Variants in OLFM3 observed in about 807,000 individuals in gnomAD.
The protein encoded by OLFM3 is olfactomedin 3.
Under a neutral mutation model 48.6 loss-of-function variants are expected in OLFM3, and 20 were observed. That is an observed-to-expected ratio of 0.41 (90% CI 0.29 to 0.60). The LOEUF (loss-of-function observed/expected upper bound fraction) is 0.60, where lower values mean the gene tolerates loss of function less well. Ranked by LOEUF, OLFM3 falls within the 20% of genes least tolerant of loss-of-function variation. The pLI, the probability that OLFM3 is intolerant of heterozygous loss-of-function variation, is 0.28. For synonymous variants in OLFM3, 222 were observed against 198.1 expected (o/e 1.12, Z -1.01); for missense variants, 437 against 544.3 (o/e 0.80, Z 1.96).
Position 101,804,419 on chromosome 1 carries a change from G to T in OLFM3, c.1196C>A (p.Ser399Tyr). The T allele has an allele frequency of 6.2e-7, 1 of 1,612,354 alleles. No homozygotes were observed. Among genetic ancestry groups the T allele is most frequent in the South Asian group, 1.1e-5 (1 of 91,020 alleles). ...ATATGTGGAGGTTTTGGTGGAATAG[G>T]AATAATACACCTTGGCTCCAGTTAA... ...SHLTGAKVYY[S>Y]YSTKTSTYEY... The change falls in exon 6 of 6, where the codon TCC (serine) becomes TAC (tyrosine). Residue 399 changes from serine to tyrosine, a missense_variant. Physicochemically the swap from Ser to Tyr is moderately radical, Grantham distance 144. This residue lies in a region of OLFM3 where 108 missense variants were observed against 135.8 expected (regional missense o/e 0.80). Transcript: ENST00000370103. This position sits in a 1 kb window ranked among gnomAD's most constrained non-coding sequence, Gnocchi z 4.5.
At chr1:101,909,905 T>C (rs1165167681) in intron 1 of OLFM3, 1 of 937,792 alleles carries the variant, frequency 1.1e-6, no homozygotes, top group Non-Finnish European at 1.3e-6. Context: ...TAAAACGCTA[T>C]CTTTCAAGGC....
chr1:101,871,985 G>T (rs1657100997), intron 1 of OLFM3, among the ~76,000 whole-genome samples: 1 of 152,030 alleles, frequency 6.6e-6, no homozygotes, highest in Non-Finnish European at 1.5e-5. Flanking sequence ...TACTCACTTT[G>T]AGTTAAAGAT....
chr1:101,919,069 T>A (rs1659012875), intron 1 of OLFM3, among the ~76,000 whole-genome samples: 4 of 152,168 alleles, frequency 2.6e-5, no homozygotes, highest in Admixed American at 2.6e-4. Flanking sequence ...AACTGTACTT[T>A]AATTTTATTT....
intron 1 of OLFM3, among the ~76,000 whole-genome samples, chr1:101,847,691 A>C (rs1167653303): frequency 3.3e-5 from 5 of 152,214 alleles, no homozygotes; most frequent in African/African-American, 1.2e-4. Context: ...CTGTTACAGA[A>C]ATTTTATATG....
intron 1 of OLFM3, among the ~76,000 whole-genome samples, chr1:101,863,827 T>G (rs994658752): frequency 1.3e-5 from 2 of 152,194 alleles, no homozygotes; most frequent in African/African-American, 4.8e-5. Context: ...TGATAATATA[T>G]ATCTCAGTGA....
chr1:101,961,881 A>G (rs1384747765), intron 1 of OLFM3, among the ~76,000 whole-genome samples: 1 of 152,162 alleles, frequency 6.6e-6, no homozygotes, highest in Non-Finnish European at 1.5e-5. Flanking sequence ...AAGGGTACAG[A>G]GAGTTCTGAG....
At chr1:101,809,041 A>G (rs1219925471) in intron 4 of OLFM3, among the ~76,000 whole-genome samples, 1 of 151,660 alleles carries the variant, frequency 6.6e-6, no homozygotes, top group African/African-American at 2.4e-5. Flanking sequence ...AAATAAAGCA[A>G]AAGAGATAAA....
At chr1:101,817,149 T>C (rs961398653) in intron 4 of OLFM3, among the ~76,000 whole-genome samples, 1 of 152,234 alleles carries the variant, frequency 6.6e-6, no homozygotes, top group Admixed American at 6.5e-5. Context: ...TTTGTTCAAA[T>C]AAATCATTAT....
intron 1 of OLFM3, among the ~76,000 whole-genome samples, chr1:101,992,873 C>A (rs1661454982): frequency 6.6e-6 from 1 of 152,006 alleles, no homozygotes; most frequent in Non-Finnish European, 1.5e-5. Flanking sequence ...GATCTAATTG[C>A]CTGGGTTGCC....
rs568406993 is a variant in OLFM3, at chr1:101,994,927, A to C, written c.69+1821T>G. 9.9e-5 allele frequency among the ~76,000 whole-genome samples: 15 copies of C among 152,182 alleles called. No homozygotes were observed. The South Asian group carries it at 2.1e-3, about 21-fold the overall frequency. On this transcript the variant is annotated intron_variant, in intron 1 of 5. Coordinates refer to ENST00000370103, the MANE Select transcript of OLFM3 (RefSeq NM_058170.4). ...AAAGTAAAAAGTTTTGTAGCATTGAATACACACAAATAAACTCACCAAAAC... is the reference window on the plus strand; with the variant it reads ...AAAGTAAAAAGTTTTGTAGCATTGACTACACACAAATAAACTCACCAAAAC...
At chr1:101,923,397 A>G (rs1360957404) in intron 1 of OLFM3, among the ~76,000 whole-genome samples, 1 of 152,164 alleles carries the variant, frequency 6.6e-6, no homozygotes, top group African/African-American at 2.4e-5. Context: ...TTTTTAACTT[A>G]CATTTTTGCA....
At chr1:101,966,518 C>T (rs6577294) in intron 1 of OLFM3, among the ~76,000 whole-genome samples, 2,649 of 152,022 alleles carry the variant, frequency 0.017, 75 homozygotes, top group African/African-American at 0.061. Flanking sequence ...GTTCTTTGTT[C>T]GAATTTGCCA....
At chr1:101,948,007 C>T (rs1373341734) in intron 1 of OLFM3, among the ~76,000 whole-genome samples, 1 of 152,000 alleles carries the variant, frequency 6.6e-6, no homozygotes, top group African/African-American at 2.4e-5. Context: ...ATCTTAGAGG[C>T]CTGGAAATTA....
intron 1 of OLFM3, among the ~76,000 whole-genome samples, chr1:101,944,914 G>T (rs1659909265): frequency 1.3e-5 from 2 of 151,648 alleles, no homozygotes; most frequent in African/African-American, 2.4e-5. Flanking sequence ...ATGTGCCATT[G>T]TGAGGAAATT....
chr1:101,981,236 T>A (rs918961414), intron 1 of OLFM3, among the ~76,000 whole-genome samples: 1 of 151,868 alleles, frequency 6.6e-6, no homozygotes, highest in Non-Finnish European at 1.5e-5. Flanking sequence ...ACCGAGAAAA[T>A]GAAAGCAACT....
chr1:101,991,008 AAAAAAAAAATAT>A (rs1448124828), intron 1 of OLFM3, among the ~76,000 whole-genome samples: 10 of 98,242 alleles, frequency 1.0e-4, no homozygotes, highest in Admixed American at 2.1e-4. Context: ...AAAAAAAAAA[AAAAAAAAAATAT>A]ATATATATAT....
intron 1 of OLFM3, among the ~76,000 whole-genome samples, chr1:101,891,354 C>T (rs947898050): frequency 2.6e-5 from 4 of 151,714 alleles, no homozygotes; most frequent in Admixed American, 6.6e-5. Context: ...GAAATAATAG[C>T]GTACTTTGTC....
chr1:101,883,905 G>A (rs1657636556), intron 1 of OLFM3, among the ~76,000 whole-genome samples: 1 of 151,360 alleles, frequency 6.6e-6, no homozygotes, highest in South Asian at 2.1e-4. Context: ...GTTCCATCTG[G>A]CCTTACAAAT....
intron 1 of OLFM3, among the ~76,000 whole-genome samples, chr1:101,956,042 A>AT (rs146091017): frequency 0.016 from 2,300 of 143,928 alleles, 61 homozygotes; most frequent in African/African-American, 0.058. Context: ...TTACTTTATG[A>AT]TTTTTTCTTG....
Sources: allele counts gnomAD v4.1 joint callset (sites outside exome capture counted in the v4.1 genomes callset), GRCh38; gene constraint gnomAD v4.1.1; regional missense constraint gnomAD v4.1.1; non-coding constraint Gnocchi (gnomAD v3.1); transcripts MANE v1.5; gene names NCBI Gene and HGNC (gene_info 2026-07-23, HGNC 2026-07-21).